The following CACNA2D1 variants were observed in gnomAD, a reference collection of about 807,000 sequenced individuals.
CACNA2D1 encodes calcium voltage-gated channel auxiliary subunit alpha2delta 1.
Under a neutral mutation model 171.5 loss-of-function variants are expected in CACNA2D1, and 53 were observed. The ratio of observed to expected loss-of-function variants is 0.31; its 90% CI spans 0.25 to 0.39. The LOEUF is 0.39. Ranked by LOEUF, CACNA2D1 falls within the 10% of genes least tolerant of loss-of-function variation. The probability of loss-of-function intolerance (pLI) is 1.00; values close to 1 mark genes in which losing one functional copy is unlikely to be tolerated. For missense variants in CACNA2D1, 903 were observed against 1,299.8 expected, an observed-to-expected ratio of 0.69 and a Z score of 4.69; for synonymous variants, 442 against 443.1, an observed-to-expected ratio of 1.00 and a Z score of 0.03.
intron 1 of CACNA2D1, among the ~76,000 whole-genome samples, chr7:82,399,481 G>T (rs1412622208): frequency 6.6e-6 from 1 of 151,540 alleles, no homozygotes; most frequent in Non-Finnish European, 1.5e-5. Flanking sequence ...TAGCTATGTA[G>T]AAATTCAACT....
intron 1 of CACNA2D1, among the ~76,000 whole-genome samples, chr7:82,386,837 A>T (rs2129450075): frequency 6.6e-6 from 1 of 151,846 alleles, no homozygotes; most frequent in Non-Finnish European, 1.5e-5. Context: ...GAAATAAAAT[A>T]CTGCCCTACA....
At chr7:82,384,052 G>A (rs905130063) in intron 1 of CACNA2D1, among the ~76,000 whole-genome samples, 3 of 152,162 alleles carry the variant, frequency 2.0e-5, no homozygotes, top group Non-Finnish European at 4.4e-5. Context: ...GAAATTGTGA[G>A]AGATACAGAA....
At chr7:81,982,481 C>T (rs772254612) in intron 24 of CACNA2D1, 86 bp downstream of exon 24, 204 of 792,924 alleles carry the variant, frequency 2.6e-4, no homozygotes, top group Middle Eastern at 9.8e-4. Flanking sequence ...ATGGAACTAA[C>T]CCAGAGCAGT....
chr7:82,082,707 G>A (rs1240410332), intron 7 of CACNA2D1, among the ~76,000 whole-genome samples: 2 of 150,960 alleles, frequency 1.3e-5, no homozygotes, highest in Non-Finnish European at 1.5e-5. Context: ...CTGGAAACCC[G>A]TCCCATCTTC....
intron 3 of CACNA2D1, among the ~76,000 whole-genome samples, chr7:82,307,675 C>G (rs1363763524): frequency 6.6e-6 from 1 of 152,042 alleles, no homozygotes; most frequent in Non-Finnish European, 1.5e-5. Context: ...TCCCTTTCTT[C>G]TTCTAGCCAT....
chr7:81,959,492 T>A (rs1366561632), intron 37 of CACNA2D1, 135 bp from the exon 38 acceptor site: 5 of 774,702 alleles, frequency 6.5e-6, no homozygotes, highest in Non-Finnish European at 1.1e-5. Context: ...ACAATTCAAG[T>A]ACATAGGGAT....
intron 1 of CACNA2D1, among the ~76,000 whole-genome samples, chr7:82,416,983 G>A (rs559818382): frequency 1.2e-4 from 18 of 152,302 alleles, no homozygotes; most frequent in East Asian, 7.7e-4. Flanking sequence ...CTTAATGCAC[G>A]TAAAGGAAAG....
At chr7:82,301,110 T>G (rs918018207) in intron 3 of CACNA2D1, among the ~76,000 whole-genome samples, 2 of 152,196 alleles carry the variant, frequency 1.3e-5, no homozygotes, top group Non-Finnish European at 1.5e-5. Context: ...TTGCTATCTT[T>G]TTTTAATTTA....
In CACNA2D1 at chr7:82,007,675, T is replaced by A; in HGVS notation, c.1440+4A>T. 1 of 1,468,046 alleles carries A rather than the reference T, an allele frequency of 6.8e-7. No individual in the cohort carries two copies. The highest frequency in any genetic ancestry group is 9.5e-7 in the Non-Finnish European group (1 of 1,048,952). 90.9% of individuals were successfully genotyped at this position (1,468,046 alleles called of 1,614,324 possible). ...ATTATTAATTTTATCAATTAACTTT[T>A]AACCTTTAAGTTTGTCTTATTTTCA... is the stretch of plus-strand genomic sequence containing the variant. On this transcript the variant is annotated splice_donor_region_variant and intron_variant, in intron 16 of 38. Transcript: ENST00000356860.
At chr7:82,407,856 T>G (rs552581763) in intron 1 of CACNA2D1, among the ~76,000 whole-genome samples, 1 of 152,232 alleles carries the variant, frequency 6.6e-6, no homozygotes, top group African/African-American at 2.4e-5. Context: ...CCTGATAGAT[T>G]AGGGATTCTA....
intron 24 of CACNA2D1, among the ~76,000 whole-genome samples, chr7:81,981,753 A>C (rs1240620243): frequency 6.6e-6 from 1 of 152,152 alleles, no homozygotes; most frequent in Non-Finnish European, 1.5e-5. Context: ...TAATTACAAG[A>C]AAACTGAGAT....
intron 3 of CACNA2D1, among the ~76,000 whole-genome samples, chr7:82,233,181 T>C (rs1010969802): frequency 1.3e-5 from 2 of 152,224 alleles, no homozygotes; most frequent in Non-Finnish European, 2.9e-5. Context: ...TAAAGTGTTA[T>C]ATAGTGATGG....
intron 20 of CACNA2D1, among the ~76,000 whole-genome samples, chr7:81,993,930 T>C (rs1011137040): frequency 2.0e-5 from 3 of 152,014 alleles, no homozygotes; most frequent in Non-Finnish European, 4.4e-5. Flanking sequence ...GAGTTGAAGT[T>C]TCAACAAAGA....
chr7:82,037,082 C>A (rs1803366912), intron 11 of CACNA2D1, among the ~76,000 whole-genome samples: 1 of 152,104 alleles, frequency 6.6e-6, no homozygotes, highest in Non-Finnish European at 1.5e-5. Flanking sequence ...AATAATATTG[C>A]CTAGTAAGAA....
intron 3 of CACNA2D1, among the ~76,000 whole-genome samples, chr7:82,240,399 G>A (rs114998627): frequency 0.023 from 3,437 of 152,214 alleles, 138 homozygotes; most frequent in African/African-American, 0.079. Flanking sequence ...TTTCAACCCT[G>A]ATCTAATAAT....
At chr7:82,237,360 G>T (rs1803718693) in intron 3 of CACNA2D1, among the ~76,000 whole-genome samples, 1 of 151,772 alleles carries the variant, frequency 6.6e-6, no homozygotes, top group African/African-American at 2.4e-5. Context: ...TGAACATAAG[G>T]CATCAGAGTG....
intron 1 of CACNA2D1, among the ~76,000 whole-genome samples, chr7:82,391,546 G>A (rs1825122551): frequency 6.6e-6 from 1 of 152,126 alleles, no homozygotes; most frequent in Admixed American, 6.5e-5. Context: ...GCCCAAAAAT[G>A]TTACACTGGT....
intron 6 of CACNA2D1, 54 bp downstream of exon 6, chr7:82,116,990 A>C (rs1009724248): frequency 6.3e-7 from 1 of 1,599,922 alleles, no homozygotes; most frequent in African/African-American, 1.3e-5. Flanking sequence ...CATGGGAAAC[A>C]TAAGACAGGC....
At chr7:82,135,297 T>C (rs1262454816) in intron 5 of CACNA2D1, among the ~76,000 whole-genome samples, 1 of 152,044 alleles carries the variant, frequency 6.6e-6, no homozygotes, top group East Asian at 1.9e-4. Context: ...AAGTGCTAAT[T>C]ATAATGGTGA....
Sources: allele counts gnomAD v4.1 joint callset (sites outside exome capture counted in the v4.1 genomes callset), GRCh38; gene constraint gnomAD v4.1.1; transcripts MANE v1.5; gene names NCBI Gene and HGNC (gene_info 2026-07-23, HGNC 2026-07-21).